Variants in SRGAP3 observed in about 807,000 individuals in gnomAD.
SRGAP3 encodes SLIT-ROBO Rho GTPase-activating protein 3.
Under a neutral mutation model 121.1 loss-of-function variants are expected in SRGAP3, and 39 were observed. The ratio of observed to expected loss-of-function variants is 0.32; its 90% CI spans 0.25 to 0.42. The LOEUF (loss-of-function observed/expected upper bound fraction) is 0.42, where lower values mean the gene tolerates loss of function less well. Among genes scored for constraint, SRGAP3 ranks in the 10% least tolerant of loss-of-function variants. The pLI is 1.00. For missense variants in SRGAP3, 1,213 were observed against 1,470.6 expected (o/e 0.82, Z 2.86); for synonymous variants, 601 against 570.0 (o/e 1.05, Z -0.77).
chr3:9,261,706 GACCAA>G (rs1279111335), intron 3 of SRGAP3, among the ~76,000 whole-genome samples: 4 of 151,984 alleles, frequency 2.6e-5, no homozygotes, highest in African/African-American at 9.7e-5. Context: ...TATGTGAAAA[GACCAA>G]ACCTACGTTT....
chr3:9,155,618 T>C (rs1283789222), intron 1 of SRGAP3, among the ~76,000 whole-genome samples: 1 of 152,200 alleles, frequency 6.6e-6, no homozygotes, highest in African/African-American at 2.4e-5. Context: ...CATGAATTCC[T>C]CAGCACTGGC....
chr3:9,138,627 G>A (rs764619080), intron 1 of SRGAP3, among the ~76,000 whole-genome samples: 17 of 152,244 alleles, frequency 1.1e-4, no homozygotes, highest in Admixed American at 5.9e-4. Flanking sequence ...TCCCTGATCC[G>A]AAAATCTGAA....
chr3:9,269,942 G>A (rs6789078), intron 3 of SRGAP3, among the ~76,000 whole-genome samples: 67 of 152,162 alleles, frequency 4.4e-4, no homozygotes, highest in African/African-American at 1.5e-3. Context: ...AGGGAGGGAG[G>A]AAATCATAAG....
intron 1 of SRGAP3, among the ~76,000 whole-genome samples, chr3:9,214,985 G>A (rs1178800315): frequency 1.5e-5 from 2 of 130,740 alleles, no homozygotes; most frequent in African/African-American, 5.0e-5. Flanking sequence ...AGTATTCCTG[G>A]GAGGATAAAG....
chr3:9,332,010 A>G (rs1220040972), intron 1 of SRGAP3, among the ~76,000 whole-genome samples: 2 of 152,230 alleles, frequency 1.3e-5, no homozygotes, highest in Non-Finnish European at 2.9e-5. Flanking sequence ...TACAACTTCA[A>G]TTTACAAAGT....
intron 1 of SRGAP3, among the ~76,000 whole-genome samples, chr3:9,138,143 T>G (rs538983089): frequency 2.0e-5 from 3 of 152,346 alleles, no homozygotes; most frequent in African/African-American, 7.2e-5. Context: ...TGGAAACATC[T>G]AAATCTTTCC....
In SRGAP3 at chr3:8,994,485, T is replaced by A; in HGVS notation, c.2266A>T (p.Met756Leu). ...QIEAIAKFDYMGRSPRELSFK... is the reference protein window; with the variant it reads ...QIEAIAKFDYLGRSPRELSFK... Reference sequence around the variant, plus strand: ...GATAGCTCACGCGGGGACCGCCCCATGTAGTCAAACTTGGCAATAGCCTCG... The same window carrying A: ...GATAGCTCACGCGGGGACCGCCCCAAGTAGTCAAACTTGGCAATAGCCTCG... Residue 756 changes from methionine to leucine, a missense_variant, in exon 19 of 22, where the codon ATG becomes TTG. Physicochemically the swap from Met to Leu is conservative, Grantham distance 15. Around this residue, in one of 2 missense-constraint regions of SRGAP3, gnomAD observed 793 missense variants for 1,032.9 expected, o/e 0.77. Transcript: ENST00000383836. The A allele has an allele frequency of 6.2e-7, 1 of 1,614,106 alleles. No homozygotes were observed. Among genetic ancestry groups the A allele is most frequent in the Non-Finnish European group, 8.5e-7 (1 of 1,180,036 alleles).
intron 3 of SRGAP3, among the ~76,000 whole-genome samples, chr3:9,265,738 A>T (rs1447368092): frequency 1.3e-5 from 2 of 152,112 alleles, no homozygotes; most frequent in Non-Finnish European, 2.9e-5. Context: ...GCTGGAGAGG[A>T]TGTGGAGAAA....
At chr3:9,172,811 G>C (rs1951031724) in intron 1 of SRGAP3, among the ~76,000 whole-genome samples, 1 of 152,240 alleles carries the variant, frequency 6.6e-6, no homozygotes, top group Non-Finnish European at 1.5e-5. Flanking sequence ...AGAAGGGCAA[G>C]CGCAGACTAG....
chr3:9,285,605 A>G (rs1954754089), intron 3 of SRGAP3, among the ~76,000 whole-genome samples: 1 of 152,106 alleles, frequency 6.6e-6, no homozygotes, highest in Non-Finnish European at 1.5e-5. Context: ...TTCCACAACC[A>G]TACTTGTCCG....
At chr3:9,213,102 C>T (rs1044067013) in intron 1 of SRGAP3, among the ~76,000 whole-genome samples, 2 of 152,178 alleles carry the variant, frequency 1.3e-5, no homozygotes, top group African/African-American at 4.8e-5. Flanking sequence ...GGGACAACCT[C>T]CATAGCCACA....
intron 8 of SRGAP3, among the ~76,000 whole-genome samples, chr3:9,054,191 T>C (rs1945712649): frequency 6.6e-6 from 1 of 152,186 alleles, no homozygotes; most frequent in Non-Finnish European, 1.5e-5. Context: ...ATTCCAAAGT[T>C]AACCTGAAAA....
At chr3:9,271,325 C>A (rs1359133289) in intron 3 of SRGAP3, among the ~76,000 whole-genome samples, 1 of 152,128 alleles carries the variant, frequency 6.6e-6, no homozygotes, top group Non-Finnish European at 1.5e-5. Context: ...TAGAGCGAGA[C>A]CCTGTCTCAA....
At chr3:9,074,730 G>A (rs983141215) in intron 4 of SRGAP3, among the ~76,000 whole-genome samples, 25 of 152,318 alleles carry the variant, frequency 1.6e-4, no homozygotes, top group African/African-American at 5.8e-4. Flanking sequence ...CCTTTGCCAA[G>A]ATTTGCCTGT....
intron 1 of SRGAP3, among the ~76,000 whole-genome samples, chr3:9,134,760 C>T (rs962278367): frequency 1.3e-5 from 2 of 152,192 alleles, no homozygotes; most frequent in African/African-American, 4.8e-5. Context: ...CCACACAGAG[C>T]ACCAGTCTGG....
At chr3:9,028,213 T>C in intron 12 of SRGAP3, 1 of 1,575,716 alleles carries the variant, frequency 6.3e-7, no homozygotes, top group South Asian at 1.1e-5. Context: ...AGTAAGCAGA[T>C]CCTTCAGAGT....
In SRGAP3 at chr3:9,337,275, C is replaced by T. The variant is rs1318019229; in HGVS notation, n.215-6679G>A. 2.0e-5 allele frequency among the ~76,000 whole-genome samples: 3 copies of T among 152,210 alleles called. No homozygotes were observed. In the East Asian group the frequency reaches 5.8e-4, roughly 29 times the overall value. On this transcript the variant is annotated intron_variant and non_coding_transcript_variant, in intron 1 of 3. Coordinates refer to the SRGAP3 transcript ENST00000490889. The stretch of plus-strand genomic sequence containing the variant: ...CATCTGAAAAATACCTTCACAAAAA[C>T]ACCCAGAATAATGTTTGACCAAATA...
chr3:9,290,241 T>C (rs2125269908), intron 3 of SRGAP3, among the ~76,000 whole-genome samples: 1 of 152,254 alleles, frequency 6.6e-6, no homozygotes, highest in South Asian at 2.1e-4. Context: ...CTCACTAACA[T>C]ATTTTTAATG....
At chr3:9,031,625 A>G (rs9853399) in intron 12 of SRGAP3, among the ~76,000 whole-genome samples, 4,101 of 152,160 alleles carry the variant, frequency 0.027, 183 homozygotes, top group African/African-American at 0.091. Flanking sequence ...TCCCCTGCCT[A>G]AGGCCAAACT....
Sources: allele counts gnomAD v4.1 joint callset (sites outside exome capture counted in the v4.1 genomes callset), GRCh38; gene constraint gnomAD v4.1.1; regional missense constraint gnomAD v4.1.1; transcripts MANE v1.5; gene names NCBI Gene and HGNC (gene_info 2026-07-23, HGNC 2026-07-21).